The following TMEFF2 variants were observed in gnomAD, a reference collection of about 807,000 sequenced individuals.
TMEFF2 encodes transmembrane protein with EGF like and two follistatin like domains 2, also known as tomoregulin-2.
TMEFF2 carries 28 observed loss-of-function variants against 53.8 expected under a neutral mutation model. The ratio of observed to expected loss-of-function variants is 0.52; its 90% CI spans 0.39 to 0.71. The LOEUF is 0.71. Among genes scored for constraint, TMEFF2 ranks in the 30% least tolerant of loss-of-function variants. The pLI is 0.00. For missense variants in TMEFF2, 353 were observed against 455.2 expected, an observed-to-expected ratio of 0.78 and a Z score of 2.04; for synonymous variants, 162 against 166.3, an observed-to-expected ratio of 0.97 and a Z score of 0.20.
At chr2:192,087,426 T>C (rs568808900) in intron 4 of TMEFF2, among the ~76,000 whole-genome samples, 1 of 152,216 alleles carries the variant, frequency 6.6e-6, no homozygotes, top group South Asian at 2.1e-4. Context: ...CACTTTCTTA[T>C]AGCATCCTGG....
intron 4 of TMEFF2, among the ~76,000 whole-genome samples, chr2:192,096,766 T>G (rs1688920567): frequency 7.3e-6 from 1 of 136,340 alleles, no homozygotes; most frequent in Non-Finnish European, 1.5e-5. Flanking sequence ...AACCTCCGCC[T>G]CCTGAGTTCA....
intron 4 of TMEFF2, among the ~76,000 whole-genome samples, chr2:192,088,771 C>A (rs1222528674): frequency 2.0e-5 from 3 of 152,032 alleles, no homozygotes. Context: ...CCCTAAATGT[C>A]CAAAGCCTAT....
intron 1 of TMEFF2, among the ~76,000 whole-genome samples, chr2:192,192,458 G>A (rs1176446276): frequency 1.3e-5 from 2 of 152,050 alleles, no homozygotes; most frequent in East Asian, 3.9e-4. Flanking sequence ...TATTTGAAAT[G>A]TATCCAGACA....
At chr2:191,963,080 T>C (rs1692318385) in intron 7 of TMEFF2, among the ~76,000 whole-genome samples, 1 of 152,114 alleles carries the variant, frequency 6.6e-6, no homozygotes, top group Non-Finnish European at 1.5e-5. Context: ...GAATCTATGG[T>C]TCATTAGCCT....
At chr2:192,139,092 A>G (rs922741435) in intron 4 of TMEFF2, among the ~76,000 whole-genome samples, 1 of 152,224 alleles carries the variant, frequency 6.6e-6, no homozygotes, top group African/African-American at 2.4e-5. Flanking sequence ...CGTGTACAAC[A>G]TATGAAGGGA....
chr2:192,152,862 A>T (rs1690420294), intron 4 of TMEFF2, among the ~76,000 whole-genome samples: 1 of 152,016 alleles, frequency 6.6e-6, no homozygotes, highest in African/African-American at 2.4e-5. Context: ...ACCAAAGACA[A>T]CCATTCTCAG....
chr2:191,996,672 G>A (rs895114065), intron 7 of TMEFF2, among the ~76,000 whole-genome samples: 2 of 151,506 alleles, frequency 1.3e-5, no homozygotes, highest in Non-Finnish European at 2.9e-5. Context: ...TTTGTTAAAA[G>A]CTGTGTACTA....
In TMEFF2 at chr2:192,109,318, T is replaced by G. The variant is rs141810312; in HGVS notation, c.440-51543A>C. ...AGCAGACATATACTGTTGATTCACA[T>G]GCAATCTACTGCAAGTGAAATCTTT... On this transcript the variant is annotated intron_variant, in intron 4 of 9. Coordinates refer to ENST00000272771, the MANE Select transcript of TMEFF2 (RefSeq NM_016192.4). Among the ~76,000 whole-genome samples the G allele has an allele frequency of 2.0e-5, 3 of 152,230 alleles. No homozygotes were observed. In the East Asian group the frequency reaches 5.8e-4, roughly 29 times the overall value.
chr2:191,979,136 G>T (rs554799497), intron 7 of TMEFF2, among the ~76,000 whole-genome samples: 2 of 152,252 alleles, frequency 1.3e-5, no homozygotes, highest in Admixed American at 1.3e-4. Flanking sequence ...TATGGGCAAT[G>T]AAACAAATAT....
At chr2:192,049,473 G>GAT (rs1687710043) in intron 5 of TMEFF2, among the ~76,000 whole-genome samples, 1 of 152,154 alleles carries the variant, frequency 6.6e-6, no homozygotes, top group Non-Finnish European at 1.5e-5. Flanking sequence ...ACTACAATGA[G>GAT]ATTCCTATTA....
chr2:192,161,317 A>G (rs1174439034), intron 4 of TMEFF2, among the ~76,000 whole-genome samples: 11 of 151,882 alleles, frequency 7.2e-5, no homozygotes, highest in Non-Finnish European at 1.5e-5. Flanking sequence ...CACCATGCAG[A>G]GCTAATTTTT....
chr2:192,161,934 A>T (rs957941743), intron 4 of TMEFF2, among the ~76,000 whole-genome samples: 1 of 152,194 alleles, frequency 6.6e-6, no homozygotes, highest in Non-Finnish European at 1.5e-5. Flanking sequence ...GAGATGCTTG[A>T]TGTTCACCAT....
At chr2:191,995,574 T>G (rs1373673428) in intron 7 of TMEFF2, among the ~76,000 whole-genome samples, 1 of 152,002 alleles carries the variant, frequency 6.6e-6, no homozygotes, top group African/African-American at 2.4e-5. Flanking sequence ...ACACATAGAC[T>G]CTCTATTTGG....
intron 7 of TMEFF2, among the ~76,000 whole-genome samples, chr2:191,969,452 A>G (rs1203349445): frequency 6.6e-6 from 1 of 152,186 alleles, no homozygotes; most frequent in Non-Finnish European, 1.5e-5. Context: ...ACATTCCAGT[A>G]CAAAAAGACT....
At position 192,166,369 on chromosome 2, in the gene TMEFF2, A is replaced by G. The variant is rs1559154092; in HGVS notation, c.439+13299T>C. On this transcript the variant is annotated intron_variant, in intron 4 of 9. Transcript: ENST00000272771. ...TGACTTTCTTCTTTGAAATGTACAC[A>G]TACTTCCCAAAATATACAAAGACTC... Among the ~76,000 whole-genome samples, 6 of 152,160 alleles carry G rather than the reference A, an allele frequency of 3.9e-5. No homozygotes were observed. In the South Asian group the frequency reaches 1.2e-3, roughly 31 times the overall value.
intron 4 of TMEFF2, among the ~76,000 whole-genome samples, chr2:192,128,613 A>G (rs558102404): frequency 6.6e-6 from 1 of 152,332 alleles, no homozygotes; most frequent in East Asian, 1.9e-4. Context: ...CTCACTTTTA[A>G]TAGGAAGAAA....
chr2:192,152,882 A>G (rs1690421010), intron 4 of TMEFF2, among the ~76,000 whole-genome samples: 1 of 151,892 alleles, frequency 6.6e-6, no homozygotes, highest in East Asian at 1.9e-4. Context: ...GAATATATTT[A>G]ATCAAAACCC....
rs74772761 is a variant in TMEFF2 at position 192,088,171 on chromosome 2, A to G, written c.440-30396T>C. ...TTTTATCACTTTCTAGAAATTTACC[A>G]TAAGCTCATATCAAATAGTTATTTT... On this transcript the variant is annotated intron_variant, in intron 4 of 9. Coordinates refer to ENST00000272771, the MANE Select transcript of TMEFF2 (RefSeq NM_016192.4). 4.0e-5 allele frequency among the ~76,000 whole-genome samples: 6 copies of G among 149,172 alleles called. No individual in the cohort carries two copies. The South Asian group carries it at 6.7e-4, about 17-fold the overall frequency.
intron 8 of TMEFF2, 147 bp from the exon 9 acceptor site, chr2:191,953,984 T>A: frequency 1.6e-6 from 1 of 611,220 alleles, no homozygotes; most frequent in Non-Finnish European, 2.5e-6. Flanking sequence ...CGCCTCCGGG[T>A]TCACGCCATT....
Sources: allele counts gnomAD v4.1 joint callset (sites outside exome capture counted in the v4.1 genomes callset), GRCh38; gene constraint gnomAD v4.1.1; transcripts MANE v1.5; gene names NCBI Gene and HGNC (gene_info 2026-07-23, HGNC 2026-07-21).